The following CCDC174 variants were observed in gnomAD, a reference collection of about 807,000 sequenced individuals.
CCDC174 encodes the protein coiled-coil domain containing 174.
In CCDC174, 37 loss-of-function variants were observed where a neutral mutation model predicts 57.1. The ratio of observed to expected loss-of-function variants is 0.65; its 90% CI spans 0.50 to 0.85. The LOEUF is 0.85. Ranked by LOEUF, CCDC174 falls within the 40% of genes least tolerant of loss-of-function variation. The pLI is 0.00. For synonymous variants in CCDC174, 182 were observed against 190.2 expected (o/e 0.96, Z 0.35); for missense variants, 540 against 574.3 (o/e 0.94, Z 0.61).
chr3:14,667,035 G>A, intron 7 of CCDC174, 88 bp downstream of exon 7: 4 of 1,123,148 alleles, frequency 3.6e-6, no homozygotes, highest in Non-Finnish European at 5.1e-6. Context: ...TAAAGCAATA[G>A]CTTTTACATG....
intron 1 of CCDC174, among the ~76,000 whole-genome samples, chr3:14,653,898 T>G (rs2030865016): frequency 6.6e-6 from 1 of 152,278 alleles, no homozygotes; most frequent in South Asian, 2.1e-4. Flanking sequence ...ATGTGCTACT[T>G]TCTTCCACTC....
chr3:14,655,152 C>CA (rs910709065), intron 2 of CCDC174, among the ~76,000 whole-genome samples: 90 of 150,856 alleles, frequency 6.0e-4, no homozygotes, highest in African/African-American at 1.6e-3. Flanking sequence ...CCCGTCTCTA[C>CA]AAAAAAAAAT....
intron 6 of CCDC174, 91 bp from the exon 7 acceptor site, chr3:14,666,714 G>A (rs2031353025): frequency 1.0e-6 from 1 of 1,004,298 alleles, no homozygotes; most frequent in South Asian, 2.0e-5. Flanking sequence ...TTATCAAATA[G>A]TGTTACTTAT....
At position 14,655,620 on chromosome 3, in the gene CCDC174, A is replaced by G; in HGVS notation, c.239A>G (p.Asp80Gly). ...EQKIEEQKTL[D>G]KAREKLEEKA... Reference sequence around the variant, plus strand: ...AAGATTGAAGAACAGAAGACTTTAGACAAAGCAAGGTAAAGTTATAAGCTC... The same window carrying G: ...AAGATTGAAGAACAGAAGACTTTAGGCAAAGCAAGGTAAAGTTATAAGCTC... Residue 80 changes from aspartate (D) to glycine (G), a missense_variant, in exon 3 of 11, where the codon GAC (aspartate) becomes GGC (glycine). Transcript: ENST00000383794. The G allele has an allele frequency of 6.2e-7, 1 of 1,604,458 alleles. No homozygotes were observed. Among genetic ancestry groups the G allele is most frequent in the East Asian group, 2.2e-5 (1 of 44,600 alleles).
chr3:14,665,262 G>GATTC, intron 6 of CCDC174, 139 bp downstream of exon 6: 3 of 680,784 alleles, frequency 4.4e-6, no homozygotes, highest in Non-Finnish European at 7.8e-6. Flanking sequence ...TTGATTGATT[G>GATTC]AAGCACTTTT....
At position 14,665,263 on chromosome 3, in the gene CCDC174, A is replaced by ATTGATTGATTGATTGG; in HGVS notation, c.581+140_581+141insTTGATTGATTGATTGG. 4.6e-6 allele frequency: 3 copies of ATTGATTGATTGATTGG among 658,600 alleles called. No individual in the cohort carries two copies. In the South Asian group the frequency reaches 5.4e-5, roughly 12 times the overall value. 40.8% of individuals were successfully genotyped at this position (658,600 alleles called of 1,614,324 possible). On this transcript the variant is annotated intron_variant, in intron 6 of 10. Transcript: ENST00000383794. ...TATTGATTGATTGATTGATTGATTG[A>ATTGATTGATTGATTGG]AGCACTTTTTAGTGGTTAGCATGCA... is the stretch of plus-strand genomic sequence containing the variant.
chr3:14,664,045 A>AT (rs1415676594), intron 5 of CCDC174, among the ~76,000 whole-genome samples: 1 of 148,744 alleles, frequency 6.7e-6, no homozygotes, highest in East Asian at 1.9e-4. Flanking sequence ...TCCCCCATCC[A>AT]TTTGGGGGGA....
intron 4 of CCDC174, among the ~76,000 whole-genome samples, chr3:14,661,193 A>G (rs2031123323): frequency 6.6e-6 from 1 of 152,238 alleles, no homozygotes; most frequent in Admixed American, 6.5e-5. Flanking sequence ...GACACGGAAA[A>G]TGCAGTTTTG....
intron 9 of CCDC174, among the ~76,000 whole-genome samples, chr3:14,669,585 A>G (rs376508968): frequency 7.8e-4 from 119 of 152,208 alleles, no homozygotes; most frequent in African/African-American, 2.6e-3. Flanking sequence ...TGGTCCTGCA[A>G]TTGCCAGTTT....
intron 10 of CCDC174, 38 bp downstream of exon 10, chr3:14,670,124 G>A (rs757617112): frequency 1.9e-5 from 30 of 1,570,140 alleles, no homozygotes; most frequent in Non-Finnish European, 1.3e-5. Flanking sequence ...GAACTCTCCA[G>A]TGAATGGAAA....
At chr3:14,666,082 C>T (rs1325034175) in intron 6 of CCDC174, among the ~76,000 whole-genome samples, 1 of 149,488 alleles carries the variant, frequency 6.7e-6, no homozygotes, top group African/African-American at 2.5e-5. Context: ...AGAATGGAAA[C>T]CTTTGAGCCT....
intron 4 of CCDC174, among the ~76,000 whole-genome samples, chr3:14,659,690 A>G (rs1037277724): frequency 2.0e-5 from 3 of 151,672 alleles, no homozygotes; most frequent in African/African-American, 7.3e-5. Context: ...ACAGAGTGTG[A>G]CCCTATCTCT....
chr3:14,661,480 C>A, intron 4 of CCDC174, 50 bp from the exon 5 acceptor site: 1 of 1,516,096 alleles, frequency 6.6e-7, no homozygotes, highest in Non-Finnish European at 9.0e-7. Context: ...TTGTCCATTC[C>A]ATGTGTGATT....
intron 1 of CCDC174, among the ~76,000 whole-genome samples, chr3:14,652,950 A>T (rs1412788842): frequency 2.6e-5 from 4 of 151,780 alleles, no homozygotes; most frequent in Non-Finnish European, 5.9e-5. Context: ...ACCCTTTCTC[A>T]CTCACTCTAC....
rs552963838 is a variant in CCDC174 at position 14,670,924 on chromosome 3, G to A, written c.1134G>A (p.Arg378=). ...TTTCCTTTGGATACTGGTCGAAGAG[G>A]CAGTCAGATCTCCGGGCTGAGAGAG... ...KEFSFGYWSK[R]QSDLRAERDP... Residue 378 remains arginine, a synonymous_variant, in exon 11 of 11, where the codon AGG becomes AGA. Transcript: ENST00000383794. 6.2e-7 allele frequency: 1 copy of A among 1,610,834 alleles called. No homozygotes were observed. The highest frequency in any genetic ancestry group is 1.1e-5 in the South Asian group (1 of 90,948).
At chr3:14,667,649 G>A (rs941814161) in intron 8 of CCDC174, 131 bp downstream of exon 8, 1 of 698,606 alleles carries the variant, frequency 1.4e-6, no homozygotes, top group Non-Finnish European at 2.4e-6. Flanking sequence ...AAAGGTAGTT[G>A]CCATACTATT....
At chr3:14,665,258 G>GATTC in intron 6 of CCDC174, 135 bp downstream of exon 6, 1 of 682,248 alleles carries the variant, frequency 1.5e-6, no homozygotes. Context: ...TTGATTGATT[G>GATTC]ATTGAAGCAC....
In CCDC174 at chr3:14,659,070, A is replaced by G. The variant is rs544024489; in HGVS notation, c.307+141A>G. 1,105 of 816,382 alleles carry G rather than the reference A, an allele frequency of 1.4e-3. 1 individual carries two copies. Among genetic ancestry groups the G allele is most frequent in the Admixed American group, 2.1e-3 (61 of 29,224 alleles). 50.6% of individuals were successfully genotyped at this position (816,382 alleles called of 1,614,324 possible). On this transcript the variant is annotated intron_variant, in intron 4 of 10. Coordinates refer to ENST00000383794, the MANE Select transcript of CCDC174 (RefSeq NM_016474.5). ...TACTTTCCATGGCTGCACAGAGACAAGAAAATCAGCAATAATTTACCAATT... is the reference window on the plus strand; with the variant it reads ...TACTTTCCATGGCTGCACAGAGACAGGAAAATCAGCAATAATTTACCAATT...
chr3:14,655,352 T>C (rs1421263493), intron 2 of CCDC174, among the ~76,000 whole-genome samples, 177 bp from the exon 3 acceptor site: 1 of 151,994 alleles, frequency 6.6e-6, no homozygotes, highest in Non-Finnish European at 1.5e-5. Context: ...GAGGGCTCTT[T>C]TTTTAGCTCC....
Sources: allele counts gnomAD v4.1 joint callset (sites outside exome capture counted in the v4.1 genomes callset), GRCh38; gene constraint gnomAD v4.1.1; transcripts MANE v1.5; gene names NCBI Gene and HGNC (gene_info 2026-07-23, HGNC 2026-07-21).